The following CHMP3 variants were observed in gnomAD, a reference collection of about 807,000 sequenced individuals.
CHMP3 encodes 25.1 protein.
CHMP3 carries 8 observed loss-of-function variants against 27.4 expected under a neutral mutation model. That is an observed-to-expected ratio of 0.29 (90% confidence interval 0.17 to 0.53). The LOEUF (loss-of-function observed/expected upper bound fraction) is 0.53. CHMP3 is among the 20% of genes least tolerant of loss of function. The pLI is 0.96. For missense variants in CHMP3, 208 were observed against 271.5 expected (o/e 0.77, Z 1.64); for synonymous variants, 86 against 85.5 (o/e 1.01, Z -0.03).
At chr2:86,548,395 T>C (rs1357177434) in intron 1 of CHMP3, among the ~76,000 whole-genome samples, 6 of 152,200 alleles carry the variant, frequency 3.9e-5, no homozygotes, top group African/African-American at 7.2e-5. Flanking sequence ...TGACTCTTAA[T>C]GAGCATGCTG....
chr2:86,531,450 C>G (rs1675914492), intron 2 of CHMP3, among the ~76,000 whole-genome samples: 2 of 152,180 alleles, frequency 1.3e-5, no homozygotes, highest in African/African-American at 4.8e-5. Flanking sequence ...TAGCACATTA[C>G]AGCTTCATAC....
intron 1 of CHMP3, among the ~76,000 whole-genome samples, chr2:86,548,940 G>A (rs1276951394): frequency 3.4e-5 from 5 of 147,950 alleles, no homozygotes; most frequent in African/African-American, 1.3e-4. Context: ...GGGCAGAGGT[G>A]CTCCCCACCT....
chr2:86,513,991 CAT>C (rs1675199480), intron 3 of CHMP3, among the ~76,000 whole-genome samples: 1 of 152,238 alleles, frequency 6.6e-6, no homozygotes, highest in Non-Finnish European at 1.5e-5. Context: ...AATGAGATCA[CAT>C]ATGTCAAAGA....
rs540924307 is a variant in CHMP3 at position 86,542,133 on chromosome 2, T to C, written c.106+119A>G. 576 of 1,055,644 alleles carry C rather than the reference T, an allele frequency of 5.5e-4. 1 individual carries two copies. In the African/African-American group the frequency reaches 8.4e-3, roughly 15 times the overall value. The allele number at this position is 1,055,644 out of a possible 1,614,324, so 65.4% of individuals were successfully genotyped here. On this transcript the variant is annotated intron_variant, in intron 2 of 5. Coordinates refer to ENST00000263856, the MANE Select transcript of CHMP3 (RefSeq NM_016079.4). ...AAAAGCAAAATCAGTCAGACAGCTA[T>C]AAATAACTGATATAGGAATAAACTA...
intron 4 of CHMP3, 67 bp downstream of exon 4, chr2:86,510,291 G>GC: frequency 4.1e-6 from 4 of 971,302 alleles, no homozygotes; most frequent in Non-Finnish European, 6.1e-6. Flanking sequence ...CTCATCCCTA[G>GC]CCCCCTGTTA....
intron 1 of CHMP3, among the ~76,000 whole-genome samples, chr2:86,553,643 T>G (rs1432449972): frequency 1.3e-5 from 2 of 152,170 alleles, no homozygotes; most frequent in African/African-American, 2.4e-5. Context: ...AACAGATTTT[T>G]AAATAAAATC....
At chr2:86,519,690 T>C (rs1194116137) in intron 3 of CHMP3, among the ~76,000 whole-genome samples, 2 of 152,218 alleles carry the variant, frequency 1.3e-5, no homozygotes, top group Admixed American at 6.5e-5. Flanking sequence ...GGAAGGCAGA[T>C]GATTTTCACT....
rs535200003 is a variant in CHMP3, at chr2:86,545,874, C to T, written c.46-3562G>A. Among the ~76,000 whole-genome samples the T allele has an allele frequency of 1.3e-3, 202 of 151,070 alleles. 2 individuals are homozygous for T. Among genetic ancestry groups the T allele is most frequent in the Admixed American group, 3.6e-3 (54 of 15,206 alleles). Reference sequence around the variant, plus strand: ...GCAGGGCAGAGGCGCTCCTCACTTCCCAGACAGGGCGGCCGGGCAGAGCGG... The same window carrying T: ...GCAGGGCAGAGGCGCTCCTCACTTCTCAGACAGGGCGGCCGGGCAGAGCGG... On this transcript the variant is annotated intron_variant, in intron 1 of 5. Coordinates refer to ENST00000263856, the MANE Select transcript of CHMP3 (RefSeq NM_016079.4).
intron 3 of CHMP3, among the ~76,000 whole-genome samples, chr2:86,525,532 C>CAA (rs1242579774): frequency 2.0e-4 from 20 of 101,648 alleles, no homozygotes; most frequent in Admixed American, 3.1e-4. Context: ...GATCTTGTCT[C>CAA]AAAAAAAAAA....
chr2:86,546,519 C>A (rs570413083), intron 1 of CHMP3, among the ~76,000 whole-genome samples: 1 of 151,448 alleles, frequency 6.6e-6, no homozygotes, highest in Non-Finnish European at 1.5e-5. Context: ...CTCACTGCAA[C>A]CTCCACCTCC....
At chr2:86,546,379 A>AGGG (rs1676604855) in intron 1 of CHMP3, among the ~76,000 whole-genome samples, 1 of 15,944 alleles carries the variant, frequency 6.3e-5, no homozygotes, top group Non-Finnish European at 1.3e-4. Context: ...GAAGGGGGGG[A>AGGG]GGGGGAGGGG....
intron 4 of CHMP3, 60 bp downstream of exon 4, chr2:86,510,298 G>GT: frequency 6.5e-7 from 1 of 1,548,480 alleles, no homozygotes; most frequent in Non-Finnish European, 8.8e-7. Context: ...CTAGCCCCCT[G>GT]TTACTTGTTT....
chr2:86,524,428 A>G (rs2103928525), intron 3 of CHMP3, among the ~76,000 whole-genome samples: 1 of 152,354 alleles, frequency 6.6e-6, no homozygotes, highest in Non-Finnish European at 1.5e-5. Context: ...AAAATATTCA[A>G]CAACAACGAA....
intron 1 of CHMP3, among the ~76,000 whole-genome samples, chr2:86,559,977 G>GA (rs1228145518): frequency 2.0e-5 from 3 of 152,162 alleles, no homozygotes; most frequent in Non-Finnish European, 2.9e-5. Context: ...TTCATAAAAA[G>GA]AAAAGAGGGC....
chr2:86,530,278 C>T (rs948552325), intron 2 of CHMP3, among the ~76,000 whole-genome samples: 1 of 152,176 alleles, frequency 6.6e-6, no homozygotes, highest in African/African-American at 2.4e-5. Context: ...CAGGCATGAG[C>T]CACCGCACCT....
At chr2:86,553,616 C>T (rs1051685244) in intron 1 of CHMP3, among the ~76,000 whole-genome samples, 2 of 152,168 alleles carry the variant, frequency 1.3e-5, no homozygotes, top group Admixed American at 6.5e-5. Flanking sequence ...AGGCGTGAGC[C>T]ACCGCGCCCG....
At chr2:86,506,025 C>T in intron 5 of CHMP3, 76 bp from the exon 6 acceptor site, 6 of 1,415,792 alleles carry the variant, frequency 4.2e-6, no homozygotes, top group South Asian at 3.3e-5. Flanking sequence ...CCTTTCATTC[C>T]TGGACCAATC....
chr2:86,537,800 T>C (rs762130602), intron 2 of CHMP3, among the ~76,000 whole-genome samples: 1 of 152,172 alleles, frequency 6.6e-6, no homozygotes, highest in Non-Finnish European at 1.5e-5. Flanking sequence ...TACTTTTGAG[T>C]AGCCTAGCTC....
chr2:86,553,610 G>C (rs932857421), intron 1 of CHMP3, among the ~76,000 whole-genome samples: 1 of 152,134 alleles, frequency 6.6e-6, no homozygotes, highest in Non-Finnish European at 1.5e-5. Flanking sequence ...AATTATAGGC[G>C]TGAGCCACCG....
Sources: gnomAD v4.1 joint callset for allele counts (sites outside exome capture counted in the v4.1 genomes callset) on GRCh38, gnomAD v4.1.1 for gene constraint, MANE v1.5 for transcripts, NCBI Gene and HGNC (gene_info 2026-07-23, HGNC 2026-07-21) for gene names.